Variants in KCNIP3 observed in about 807,000 individuals in gnomAD.
The protein encoded by KCNIP3 is calsenilin.
A neutral mutation model predicts 35.0 loss-of-function variants in KCNIP3; 28 were observed. That is an observed-to-expected ratio of 0.80 (90% CI 0.59 to 1.10). The LOEUF (loss-of-function observed/expected upper bound fraction) is 1.10, where lower values mean the gene tolerates loss of function less well. Ranked by LOEUF, KCNIP3 falls within the 50% of genes least tolerant of loss-of-function variation. The pLI, the probability that KCNIP3 is intolerant of heterozygous loss-of-function variation, is 0.00. For synonymous variants in KCNIP3, 134 were observed against 133.8 expected (o/e 1.00, Z -0.01); for missense variants, 295 against 338.4 (o/e 0.87, Z 1.01).
intron 1 of KCNIP3, chr2:95,298,820 C>T (rs1351099445): frequency 6.6e-6 from 1 of 152,312 alleles, no homozygotes; most frequent in Non-Finnish European, 1.5e-5. Context: ...AGTGGAGAAA[C>T]GTAGCGCCTT....
chr2:95,330,424 C>T (rs1385742596), intron 2 of KCNIP3, among the ~76,000 whole-genome samples: 2 of 152,202 alleles, frequency 1.3e-5, no homozygotes, highest in African/African-American at 4.8e-5. Flanking sequence ...CGTTGTGTCC[C>T]AGCCCTGCTC....
intron 2 of KCNIP3, among the ~76,000 whole-genome samples, chr2:95,327,397 ACACT>A (rs544869992): frequency 3.9e-5 from 6 of 152,112 alleles, no homozygotes; most frequent in East Asian, 3.9e-4. Flanking sequence ...ACACATACAC[ACACT>A]CTCACATACG....
chr2:95,308,957 G>T (rs1397828057), intron 1 of KCNIP3, among the ~76,000 whole-genome samples: 2 of 152,224 alleles, frequency 1.3e-5, no homozygotes, highest in African/African-American at 4.8e-5. Context: ...ACGAGACCCT[G>T]TGACCTGGGA....
At position 95,374,898 on chromosome 2, in the gene KCNIP3, G is replaced by A. The variant is rs552443573; in HGVS notation, c.357G>A (p.Ala119=). 7.4e-6 allele frequency: 12 copies of A among 1,614,018 alleles called. No homozygotes were observed. Among genetic ancestry groups the A allele is most frequent in the Admixed American group, 3.3e-5 (2 of 60,028 alleles). ...AAGACACCTTCAAACTCATTTACGC[G>A]CAGTTCTTCCCTCAGGGAGGTGAGT... The part of the protein sequence containing the change: ...VDEDTFKLIY[A]QFFPQGDATT... Residue 119 remains alanine, a synonymous_variant, in exon 4 of 9, where the codon GCG becomes GCA. Coordinates refer to ENST00000295225, the MANE Select transcript of KCNIP3 (RefSeq NM_013434.5).
intron 2 of KCNIP3, among the ~76,000 whole-genome samples, chr2:95,342,080 T>A (rs1679207242): frequency 6.6e-6 from 1 of 152,082 alleles, no homozygotes; most frequent in Non-Finnish European, 1.5e-5. Flanking sequence ...GTGTTCACAG[T>A]TCACGGAAGA....
chr2:95,344,393 C>G (rs1246086130), intron 2 of KCNIP3, among the ~76,000 whole-genome samples: 2 of 152,204 alleles, frequency 1.3e-5, no homozygotes, highest in East Asian at 3.9e-4. Context: ...GGTGAGTGAG[C>G]CTGGGAGTCA....
intron 2 of KCNIP3, among the ~76,000 whole-genome samples, chr2:95,372,907 T>A (rs1396390206): frequency 1.3e-5 from 2 of 152,114 alleles, no homozygotes; most frequent in Non-Finnish European, 2.9e-5. Flanking sequence ...GCTCTTGTGG[T>A]TAGTGTGAGT....
chr2:95,325,455 C>T (rs1024986813), intron 2 of KCNIP3, among the ~76,000 whole-genome samples: 1 of 152,134 alleles, frequency 6.6e-6, no homozygotes, highest in African/African-American at 2.4e-5. Flanking sequence ...CTGGGTATCC[C>T]GTGAGGAGGG....
chr2:95,367,575 C>T (rs968561489), intron 2 of KCNIP3, among the ~76,000 whole-genome samples: 2 of 152,026 alleles, frequency 1.3e-5, no homozygotes, highest in African/African-American at 2.4e-5. Flanking sequence ...TTTTGGCATA[C>T]GGATTATATA....
intron 2 of KCNIP3, among the ~76,000 whole-genome samples, chr2:95,322,474 A>T (rs1678620529): frequency 6.6e-6 from 1 of 152,102 alleles, no homozygotes; most frequent in South Asian, 2.1e-4. Flanking sequence ...GTGACCCTGG[A>T]CAAGTTGCTG....
chr2:95,314,401 A>G (rs1224404039), intron 2 of KCNIP3, among the ~76,000 whole-genome samples: 2 of 152,164 alleles, frequency 1.3e-5, no homozygotes, highest in African/African-American at 4.8e-5. Flanking sequence ...TCCACCACAA[A>G]GATGGATTAA....
intron 5 of KCNIP3, among the ~76,000 whole-genome samples, chr2:95,380,586 C>T (rs1256711201): frequency 6.6e-6 from 1 of 152,178 alleles, no homozygotes. Flanking sequence ...TGCTTTCTAC[C>T]AACTGCTGTA....
intron 2 of KCNIP3, among the ~76,000 whole-genome samples, chr2:95,339,397 C>T (rs186217667): frequency 4.6e-5 from 7 of 151,774 alleles, no homozygotes; most frequent in South Asian, 2.1e-4. Flanking sequence ...CTGGCCAACA[C>T]GGTGAAACCC....
At chr2:95,380,409 C>A (rs1680307742) in intron 5 of KCNIP3, among the ~76,000 whole-genome samples, 1 of 152,190 alleles carries the variant, frequency 6.6e-6, no homozygotes, top group Admixed American at 6.5e-5. Context: ...ACTTGAGGGG[C>A]CTCGGGGCCT....
intron 2 of KCNIP3, among the ~76,000 whole-genome samples, chr2:95,353,461 A>G (rs1679577729): frequency 1.3e-5 from 2 of 152,188 alleles, no homozygotes; most frequent in Non-Finnish European, 2.9e-5. Flanking sequence ...TGCCTGGTCG[A>G]GCACACTGGG....
At chr2:95,359,175 C>A (rs1268284001) in intron 2 of KCNIP3, among the ~76,000 whole-genome samples, 1 of 152,090 alleles carries the variant, frequency 6.6e-6, no homozygotes, top group African/African-American at 2.4e-5. Context: ...TAGCTCATTC[C>A]AGCAGCAACT....
At position 95,365,977 on chromosome 2, in the gene KCNIP3, A is replaced by T. The variant is rs377497804; in HGVS notation, c.182-8319A>T. ...ATTTATTTTAATTTAATTTAATTTT[A>T]ATTTTTATTTACTTACTTAGTTTTT... On this transcript the variant is annotated intron_variant, in intron 2 of 8. Coordinates refer to ENST00000295225, the MANE Select transcript of KCNIP3 (RefSeq NM_013434.5). Among the ~76,000 whole-genome samples, 322 of 152,234 alleles carry T rather than the reference A, an allele frequency of 2.1e-3. 1 individual carries two copies. Among genetic ancestry groups the T allele is most frequent in the African/African-American group, 6.2e-3 (257 of 41,546 alleles).
At chr2:95,355,351 T>C (rs1679631270) in intron 2 of KCNIP3, 1 of 152,184 alleles carries the variant, frequency 6.6e-6, no homozygotes, top group Non-Finnish European at 1.5e-5. Flanking sequence ...TTTTTAATTA[T>C]TATTATTATT....
intron 2 of KCNIP3, among the ~76,000 whole-genome samples, chr2:95,354,639 G>T (rs1345978363): frequency 6.6e-6 from 1 of 152,310 alleles, no homozygotes; most frequent in East Asian, 1.9e-4. Context: ...CTGCGCACTT[G>T]CCCTGAAAGC....
Sources: gnomAD v4.1 joint callset for allele counts (sites outside exome capture counted in the v4.1 genomes callset) on GRCh38, gnomAD v4.1.1 for gene constraint, MANE v1.5 for transcripts, NCBI Gene and HGNC (gene_info 2026-07-23, HGNC 2026-07-21) for gene names.